SLC12A4: variants seen among roughly 807,000 people sequenced by gnomAD.
The protein encoded by SLC12A4 is electroneutral potassium-chloride cotransporter 1.
SLC12A4 carries 84 observed loss-of-function variants against 119.2 expected under a neutral mutation model. That is an observed-to-expected ratio of 0.70 (90% CI 0.59 to 0.85). SLC12A4 has a LOEUF of 0.85. SLC12A4 is among the 40% of genes least tolerant of loss of function. SLC12A4 has a pLI of 0.00. For missense variants in SLC12A4, 1,298 were observed against 1,476.3 expected (o/e 0.88, Z 1.98); for synonymous variants, 599 against 604.6 (o/e 0.99, Z 0.14).
At position 67,944,295 on chromosome 16, in the gene SLC12A4, C is replaced by A. The variant is rs565694574; in HGVS notation, c.*545G>T. 5 of 1,409,942 alleles carry A rather than the reference C, an allele frequency of 3.5e-6. No individual in the cohort carries two copies. Among genetic ancestry groups the A allele is most frequent in the Non-Finnish European group, 4.6e-6 (5 of 1,083,810 alleles). The allele number at this position is 1,409,942 out of a possible 1,614,324, so 87.3% of individuals were successfully genotyped here. ...GTTCAGTTCCGCCTTCTTCTCTTGG[C>A]GCCAGGGGAAACAGAGCCGGGGCAG... is the stretch of plus-strand genomic sequence containing the variant. On this transcript the variant is annotated 3_prime_UTR_variant, in exon 24 of 24. Transcript: ENST00000316341. The surrounding 1 kb of genome is among the most constrained non-coding windows in gnomAD (Gnocchi z 6.6).
chr16:67,946,445 G>A lies in SLC12A4; in HGVS notation c.2430C>T (p.Thr810=), dbSNP rs773129394. The A allele has an allele frequency of 2.5e-6, 4 of 1,605,436 alleles. No homozygotes were observed. Among genetic ancestry groups the A allele is most frequent in the African/African-American group, 1.3e-5 (1 of 75,060 alleles). ...RQSEDPRAWK[T]FIDTVRCTTA... ...CCCCAGGCCTTCACACACCAATGAA[G>A]GTCTTCCAGGCACGGGGGTCCTCGC... Residue 810 remains threonine (T), a synonymous_variant, in exon 18 of 24, where the codon ACC becomes ACT. Transcript: ENST00000316341.
Position 67,945,573 on chromosome 16 carries a change from A to G in SLC12A4, c.2848-20T>C, listed in dbSNP as rs1200282574. 6.2e-7 allele frequency: 1 copy of G among 1,609,328 alleles called. No homozygotes were observed. On this transcript the variant is annotated intron_variant, in intron 21 of 23. Transcript: ENST00000316341. ...CTGGGCCTGAGGACAATTGCAGGAG[A>G]TAGCCTTGGTCCCATAGGAAAAGGG...
chr16:67,965,642 T>C (rs1330226418), intron 1 of SLC12A4, among the ~76,000 whole-genome samples: 1 of 152,236 alleles, frequency 6.6e-6, no homozygotes, highest in African/African-American at 2.4e-5. Context: ...CTGGTCTTTC[T>C]GGGTAGACTG....
chr16:67,963,357 A>G lies in SLC12A4; in HGVS notation c.210+108T>C, dbSNP rs1012669936. ...CTGCCATGAGAACCAGGAACACAAG[A>G]GGAGATGAGAGGAAGAGCAAGACAG... On this transcript the variant is annotated intron_variant, in intron 2 of 23. Coordinates refer to ENST00000316341, the MANE Select transcript of SLC12A4 (RefSeq NM_005072.5). 9.4e-6 allele frequency: 6 copies of G among 640,234 alleles called. No homozygotes were observed. In the African/African-American group the frequency reaches 9.7e-5, roughly 10 times the overall value. 39.7% of individuals were successfully genotyped at this position (640,234 alleles called of 1,614,324 possible). A position where few individuals can be genotyped will look rare whatever the true frequency, so the allele number is the denominator to read the frequency against.
intron 6 of SLC12A4, 68 bp downstream of exon 6, chr16:67,954,575 C>T (rs1178755771): frequency 6.3e-7 from 1 of 1,592,780 alleles, no homozygotes; most frequent in Admixed American, 1.7e-5. Context: ...CAGCCTGAGC[C>T]TTCTGTTTGG....
chr16:67,947,000 A>G lies in SLC12A4; in HGVS notation c.2178T>C (p.Ile726=), dbSNP rs2058358118. The G allele has an allele frequency of 3.1e-6, 5 of 1,613,194 alleles. No homozygotes were observed. In the South Asian group the frequency reaches 3.3e-5, roughly 11 times the overall value. The change falls in exon 17 of 24, where the codon ATT becomes ATC. Residue 726 remains isoleucine, a synonymous_variant. Coordinates refer to ENST00000316341, the MANE Select transcript of SLC12A4 (RefSeq NM_005072.5). ...SQLKAGKGLT[I]VGSVIQGSFL... ...AGCTCCCCTGGATGACAGAACCAAC[A>G]ATGGTCAGGCCCTTGCCAGCCTTGA... is the stretch of plus-strand genomic sequence containing the variant.
In SLC12A4 at chr16:67,957,989, A is replaced by G; in HGVS notation, c.398T>C (p.Phe133Ser). The G allele has an allele frequency of 5.0e-6, 8 of 1,614,210 alleles. No homozygotes were observed. Among genetic ancestry groups the G allele is most frequent in the Non-Finnish European group, 6.8e-6 (8 of 1,180,028 alleles). ...GVYLPCLQNI[F>S]GVILFLRLTW... ...CAGCCGCAGGAAGAGGATAACCCCA[A>G]AGATATTCTGCAGGCAGGGCAGGTA... Residue 133 changes from phenylalanine (F) to serine (S), a missense_variant, in exon 4 of 24, where the codon TTT becomes TCT. Transcript: ENST00000316341.
rs529102884 is a variant in SLC12A4, at chr16:67,951,696, C to A, written c.1132+127G>T. 4.9e-5 allele frequency: 42 copies of A among 865,480 alleles called. No homozygotes were observed. Among genetic ancestry groups the A allele is most frequent in the Non-Finnish European group, 7.3e-5 (41 of 560,354 alleles). The allele number at this position is 865,480 out of a possible 1,614,324, so 53.6% of individuals were successfully genotyped here. A position where few individuals can be genotyped will look rare whatever the true frequency, so the allele number is the denominator to read the frequency against. On this transcript the variant is annotated intron_variant, in intron 8 of 23. Coordinates refer to ENST00000316341, the MANE Select transcript of SLC12A4 (RefSeq NM_005072.5). This position sits in a 1 kb window ranked among gnomAD's most constrained non-coding sequence, Gnocchi z 5.2. ...TGCCAGGAGCCAGGCTGGGAGGACACTGGGGGGCTGGGAAGGCGGCCAGTC... is the reference window on the plus strand; with the variant it reads ...TGCCAGGAGCCAGGCTGGGAGGACAATGGGGGGCTGGGAAGGCGGCCAGTC...
intron 6 of SLC12A4, 144 bp downstream of exon 6, chr16:67,954,497 GTC>G: frequency 1.0e-6 from 1 of 977,578 alleles, no homozygotes; most frequent in Non-Finnish European, 1.5e-6. Context: ...CTGAGTAAAG[GTC>G]TTTGTCTCTC....
chr16:67,952,485 G>A (rs1275928369), intron 6 of SLC12A4, 60 bp from the exon 7 acceptor site: 43 of 1,596,062 alleles, frequency 2.7e-5, no homozygotes, highest in Admixed American at 5.0e-5. Flanking sequence ...GAAACTTGTC[G>A]TTTTGGTTTT....
At chr16:67,948,216 T>G in intron 13 of SLC12A4, 57 bp from the exon 14 acceptor site, 1 of 1,555,644 alleles carries the variant, frequency 6.4e-7, no homozygotes, top group Non-Finnish European at 8.9e-7. Flanking sequence ...GGGGACCTGA[T>G]GTCAGGCTGG....
intron 16 of SLC12A4, 43 bp from the exon 17 acceptor site, chr16:67,947,148 G>A (rs2058360292): frequency 3.2e-6 from 5 of 1,544,124 alleles, no homozygotes; most frequent in South Asian, 2.3e-5. Flanking sequence ...AGGGCCGGCC[G>A]TTCTAGGGAG....
At position 67,944,314 on chromosome 16, in the gene SLC12A4, G is replaced by A. The variant is rs1384207222; in HGVS notation, c.*526C>T. 4.3e-6 allele frequency: 6 copies of A among 1,407,284 alleles called. No homozygotes were observed. Among genetic ancestry groups the A allele is most frequent in the South Asian group, 3.2e-5 (2 of 61,894 alleles). The allele number at this position is 1,407,284 out of a possible 1,614,324, so 87.2% of individuals were successfully genotyped here. A position where few individuals can be genotyped will look rare whatever the true frequency, so the allele number is the denominator to read the frequency against. On this transcript the variant is annotated 3_prime_UTR_variant, in exon 24 of 24. Transcript: ENST00000316341. This position sits in a 1 kb window ranked among gnomAD's most constrained non-coding sequence, Gnocchi z 6.6. ...TCTTGGCGCCAGGGGAAACAGAGCC[G>A]GGGCAGCAGGAGGCCCAGAACTACA...
chr16:67,950,961 C>A lies in SLC12A4; in HGVS notation c.1396+1G>T, dbSNP rs1477357865. 3.1e-6 allele frequency: 5 copies of A among 1,613,284 alleles called. No individual in the cohort carries two copies. The highest frequency in any genetic ancestry group is 4.2e-6 in the Non-Finnish European group (5 of 1,179,694). On this transcript the variant is annotated splice_donor_variant, in intron 10 of 23. Transcript: ENST00000316341. LOFTEE classifies it high-confidence loss of function. This position sits in a 1 kb window ranked among gnomAD's most constrained non-coding sequence, Gnocchi z 4.3. ...CCTGCCCCAGGCCTGGGAAAGGATA[C>A]ACACGAGGGAAGTTGTAATGATGGC... is the stretch of plus-strand genomic sequence containing the variant.
chr16:67,952,344 C>A lies in SLC12A4; in HGVS notation c.757G>T (p.Val253Leu). 2 of 1,614,216 alleles carry A rather than the reference C, an allele frequency of 1.2e-6. No individual in the cohort carries two copies. Among genetic ancestry groups the A allele is most frequent in the Non-Finnish European group, 1.7e-6 (2 of 1,180,036 alleles). Reference sequence around the variant, plus strand: ...AAGGTCAGGAAAATGGTCCCATACACACGCATATTGTTCAAAGTGGCATTC... The same window carrying A: ...AAGGTCAGGAAAATGGTCCCATACAAACGCATATTGTTCAAAGTGGCATTC... ...TSNATLNNMR[V>L]YGTIFLTFMT... is the part of the protein sequence containing the mutation. The change falls in exon 7 of 24, where the codon GTG becomes TTG. Residue 253 changes from valine (V) to leucine (L), a missense_variant. Coordinates refer to ENST00000316341, the MANE Select transcript of SLC12A4 (RefSeq NM_005072.5).
In SLC12A4 at chr16:67,944,652, G is replaced by A; in HGVS notation, c.*188C>T. On this transcript the variant is annotated 3_prime_UTR_variant, in exon 24 of 24. Coordinates refer to ENST00000316341, the MANE Select transcript of SLC12A4 (RefSeq NM_005072.5). The surrounding 1 kb of genome is among the most constrained non-coding windows in gnomAD (Gnocchi z 6.6). ...CCCCAAACATCCCAGGGTCCCACAAGACCTGGGATCCATCTCCATTTTGAG... is the reference window on the plus strand; with the variant it reads ...CCCCAAACATCCCAGGGTCCCACAAAACCTGGGATCCATCTCCATTTTGAG... 2.1e-6 allele frequency: 3 copies of A among 1,424,506 alleles called. No individual in the cohort carries two copies. Among genetic ancestry groups the A allele is most frequent in the Non-Finnish European group, 2.7e-6 (3 of 1,092,818 alleles). The allele number at this position is 1,424,506 out of a possible 1,614,324, so 88.2% of individuals were successfully genotyped here. A position where few individuals can be genotyped will look rare whatever the true frequency, so the allele number is the denominator to read the frequency against.
At chr16:67,959,740 T>C (rs3785098) in intron 3 of SLC12A4, among the ~76,000 whole-genome samples, 48,690 of 152,062 alleles carry the variant, frequency 0.32, 11,159 homozygotes, top group African/African-American at 0.65. Context: ...AAGGGCAGGG[T>C]GGGCCGGAAA....
chr16:67,954,034 C>T (rs2030099442), intron 6 of SLC12A4: 2 of 235,320 alleles, frequency 8.5e-6, no homozygotes, highest in South Asian at 7.0e-5. Flanking sequence ...GCAGTCCCTC[C>T]AGGTATCTCC....
chr16:67,945,433 T>G lies in SLC12A4; in HGVS notation c.2968A>C (p.Met990Leu), dbSNP rs986994472. 8 of 1,614,006 alleles carry G rather than the reference T, an allele frequency of 5.0e-6. No homozygotes were observed. Among genetic ancestry groups the G allele is most frequent in the Non-Finnish European group, 5.1e-6 (6 of 1,180,014 alleles). Residue 990 changes from methionine to leucine, a missense_variant, in exon 22 of 24, where the codon ATG (methionine) becomes CTG (leucine). Coordinates refer to ENST00000316341, the MANE Select transcript of SLC12A4 (RefSeq NM_005072.5). ...TGGCTGGGGTCCCAGGTCTCAGTCA[T>G]GTACTTGTCCCTGGTCCACGTCATC... is the stretch of plus-strand genomic sequence containing the variant. Reference protein sequence around the residue: ...IQMTWTRDKYMTETWDPSHAP... With the variant: ...IQMTWTRDKYLTETWDPSHAP...
Sources: allele counts gnomAD v4.1 joint callset (sites outside exome capture counted in the v4.1 genomes callset), GRCh38; gene constraint gnomAD v4.1.1; non-coding constraint Gnocchi (gnomAD v3.1); transcripts MANE v1.5; gene names NCBI Gene and HGNC (gene_info 2026-07-23, HGNC 2026-07-21).